Variants in SLC2A7 observed in about 807,000 individuals in gnomAD.
SLC2A7 encodes the protein solute carrier family 2, facilitated glucose transporter member 7.
Under a neutral mutation model 50.5 loss-of-function variants are expected in SLC2A7, and 50 were observed. The observed-to-expected ratio is 0.99, with a 90% CI of 0.79 to 1.25. The LOEUF (loss-of-function observed/expected upper bound fraction) is 1.25. Among genes scored for constraint, SLC2A7 ranks in the 50% most tolerant of loss-of-function variants. The pLI is 0.00. For missense variants in SLC2A7, 683 were observed against 679.1 expected (o/e 1.01, Z -0.06); for synonymous variants, 308 against 300.4 (o/e 1.03, Z -0.26).
chr1:9,014,780 G>A lies in SLC2A7; in HGVS notation c.804C>T (p.His268=), dbSNP rs758190479. The change falls in exon 7 of 12, where the codon CAC becomes CAT. Residue 268 remains histidine (H), a synonymous_variant. Coordinates refer to ENST00000400906, the MANE Select transcript of SLC2A7 (RefSeq NM_207420.3). ...GGGCACAGAGGTGCAGCACAGACAG[G>A]TGGCCCTCGGCGCGCTCGGCCCGGG... ...AEARAERAEG[H]LSVLHLCALR... is the part of the protein sequence containing the mutation. 3.8e-6 allele frequency: 6 copies of A among 1,599,256 alleles called. No individual in the cohort carries two copies. In the East Asian group the frequency reaches 6.8e-5, roughly 18 times the overall value.
intron 2 of SLC2A7, among the ~76,000 whole-genome samples, chr1:9,024,382 A>G (rs1031726004): frequency 6.6e-6 from 1 of 152,226 alleles, no homozygotes; most frequent in African/African-American, 2.4e-5. Context: ...ACACAAACAA[A>G]TGTAATACAG....
the SLC2A7 span, among the ~76,000 whole-genome samples, chr1:8,995,361 T>C: frequency 6.6e-6 from 1 of 150,628 alleles, no homozygotes; most frequent in African/African-American, 2.4e-5. Flanking sequence ...GGAAGGAGAA[T>C]GGTGTGAACC....
At chr1:9,006,847 C>G (rs1262589391) in intron 10 of SLC2A7, among the ~76,000 whole-genome samples, 1 of 152,072 alleles carries the variant, frequency 6.6e-6, no homozygotes, top group Non-Finnish European at 1.5e-5. Context: ...GGTGGAGGCC[C>G]GAAGCCACTG....
chr1:9,007,647 C>T (rs894251496), intron 9 of SLC2A7, among the ~76,000 whole-genome samples: 4 of 152,212 alleles, frequency 2.6e-5, no homozygotes, highest in South Asian at 2.1e-4. Flanking sequence ...ATTTTCCTGC[C>T]AGGTGCCATT....
downstream of SLC2A7, among the ~76,000 whole-genome samples, chr1:8,998,995 A>G (rs1295872813): frequency 6.6e-6 from 1 of 152,172 alleles, no homozygotes; most frequent in Non-Finnish European, 1.5e-5. Context: ...ATTTTCTGGT[A>G]GAATTTGTGT....
chr1:9,022,385 T>C (rs1209591317), intron 3 of SLC2A7, among the ~76,000 whole-genome samples: 1 of 152,192 alleles, frequency 6.6e-6, no homozygotes, highest in Non-Finnish European at 1.5e-5. Flanking sequence ...TTAGGAAGAA[T>C]GATTAGTGAA....
At chr1:9,007,732 C>A (rs541437547) in intron 9 of SLC2A7, among the ~76,000 whole-genome samples, 2 of 142,068 alleles carry the variant, frequency 1.4e-5, no homozygotes, top group Non-Finnish European at 3.1e-5. Flanking sequence ...AGTGACTCTA[C>A]GATTCTTTCT....
At chr1:9,020,327 G>A (rs1171545697) in intron 3 of SLC2A7, among the ~76,000 whole-genome samples, 1 of 152,222 alleles carries the variant, frequency 6.6e-6, no homozygotes, top group Non-Finnish European at 1.5e-5. Context: ...CACGATGACT[G>A]TCAGGAACGT....
chr1:9,004,602 C>T (rs887913925), intron 11 of SLC2A7, 150 bp downstream of exon 11: 7 of 927,400 alleles, frequency 7.5e-6, no homozygotes, highest in Middle Eastern at 2.3e-4. Context: ...GGTTTGCAGG[C>T]AGTGGGGCCA....
intron 8 of SLC2A7, among the ~76,000 whole-genome samples, chr1:9,011,620 T>A (rs977840537): frequency 6.6e-6 from 1 of 152,016 alleles, no homozygotes; most frequent in African/African-American, 2.4e-5. Flanking sequence ...TCTCTCCACT[T>A]TTCCACCTGA....
intron 10 of SLC2A7, among the ~76,000 whole-genome samples, chr1:9,005,900 C>T (rs116142847): frequency 7.5e-4 from 114 of 152,294 alleles, no homozygotes; most frequent in African/African-American, 2.6e-3. Flanking sequence ...CAAACTCCTG[C>T]AGCCCAGTGA....
At chr1:9,023,673 G>A (rs561800103) in intron 2 of SLC2A7, among the ~76,000 whole-genome samples, 17 of 151,802 alleles carry the variant, frequency 1.1e-4, no homozygotes, top group South Asian at 4.2e-4. Context: ...TTGGGAGGCC[G>A]AGGCGGGAGG....
chr1:8,998,873 T>A (rs1306243712), downstream of SLC2A7, among the ~76,000 whole-genome samples: 1 of 152,210 alleles, frequency 6.6e-6, no homozygotes, highest in African/African-American at 2.4e-5. Context: ...TTTGTATCTA[T>A]GCTCATGAGT....
chr1:9,004,173 T>G (rs1640617691), intron 11 of SLC2A7, among the ~76,000 whole-genome samples: 1 of 151,556 alleles, frequency 6.6e-6, no homozygotes, highest in Non-Finnish European at 1.5e-5. Context: ...CTAAAATACA[T>G]AAATAAATAA....
rs533307752 is a variant in SLC2A7, at chr1:9,023,045, C to A, written c.184G>T (p.Glu62Ter). The change falls in exon 3 of 12, where the codon GAG becomes TAG. Residue 62 changes from glutamate (E) to a stop codon, truncating the protein, a stop_gained. Coordinates refer to ENST00000400906, the MANE Select transcript of SLC2A7 (RefSeq NM_207420.3). LOFTEE classifies it high-confidence loss of function. The part of the protein sequence containing the change: ...FKSFYNETYF[E>*]RHATFMDGKL... ...CCGTCCATGAATGTTGCGTGTCGCT[C>A]AAAGTAGGTTTCGTTGTAAAATGAC... 10 of 1,613,904 alleles carry A rather than the reference C, an allele frequency of 6.2e-6. No individual in the cohort carries two copies. Among genetic ancestry groups the A allele is most frequent in the Non-Finnish European group, 8.5e-6 (10 of 1,179,952 alleles).
the SLC2A7 span, among the ~76,000 whole-genome samples, chr1:8,992,797 G>C: frequency 6.6e-6 from 1 of 152,110 alleles, no homozygotes; most frequent in African/African-American, 2.4e-5. Context: ...CCTGTCTGTG[G>C]GCCTTGCCCT....
Position 9,022,904 on chromosome 1 carries a change from C to T in SLC2A7, c.311+14G>A. ...GCATGAATTTTAAGTGGGAGCAGTG[C>T]ACCTTCTGTTTACCTGCCGCAGCTA... is the stretch of plus-strand genomic sequence containing the variant. On this transcript the variant is annotated intron_variant, in intron 3 of 11. Coordinates refer to ENST00000400906, the MANE Select transcript of SLC2A7 (RefSeq NM_207420.3). 3.1e-6 allele frequency: 5 copies of T among 1,613,494 alleles called. No individual in the cohort carries two copies. The highest frequency in any genetic ancestry group is 4.2e-6 in the Non-Finnish European group (5 of 1,179,750).
At chr1:9,026,269 G>A in intron 1 of SLC2A7, 26 bp downstream of exon 1, 1 of 1,606,020 alleles carries the variant, frequency 6.2e-7, no homozygotes, top group Non-Finnish European at 8.5e-7. Context: ...GAGGGACAGT[G>A]ACAGGTTCCT....
At position 9,003,432 on chromosome 1, in the gene SLC2A7, G is replaced by C; in HGVS notation, c.1407C>G (p.Thr469=). 2 of 1,614,170 alleles carry C rather than the reference G, an allele frequency of 1.2e-6. No homozygotes were observed. The highest frequency in any genetic ancestry group is 1.7e-6 in the Non-Finnish European group (2 of 1,180,036). The part of the protein sequence containing the change: ...AIYIYVVIPE[T]KGKTFVEINR... ...TTATCTCCACAAATGTTTTGCCCTT[G>C]GTCTCCGGAATAACCACGTAGATGT... Residue 469 remains threonine (T), a synonymous_variant, in exon 12 of 12, where the codon ACC becomes ACG. Coordinates refer to ENST00000400906, the MANE Select transcript of SLC2A7 (RefSeq NM_207420.3).
Sources: gnomAD v4.1 joint callset for allele counts (sites outside exome capture counted in the v4.1 genomes callset) on GRCh38, gnomAD v4.1.1 for gene constraint, MANE v1.5 for transcripts, NCBI Gene and HGNC (gene_info 2026-07-23, HGNC 2026-07-21) for gene names.